The following ZNF831 variants were observed in gnomAD, a reference collection of about 807,000 sequenced individuals.
ZNF831 encodes the protein zinc finger protein 831, also known as chromosome 20 open reading frame 174.
Under a neutral mutation model 95.8 loss-of-function variants are expected in ZNF831, and 59 were observed. The observed-to-expected ratio is 0.62, with a 90% CI of 0.50 to 0.77. The LOEUF (loss-of-function observed/expected upper bound fraction) is 0.77, where lower values mean the gene tolerates loss of function less well. Ranked by LOEUF, ZNF831 falls within the 30% of genes least tolerant of loss-of-function variation. ZNF831 has a pLI of 0.00. For missense variants in ZNF831, 2,205 were observed against 2,164.0 expected, an observed-to-expected ratio of 1.02 and a Z score of -0.38; for synonymous variants, 961 against 925.5, an observed-to-expected ratio of 1.04 and a Z score of -0.70.
At chr20:59,138,917 ACT>A in intron 1 of ZNF831, among the ~76,000 whole-genome samples, 1 of 151,128 alleles carries the variant, frequency 6.6e-6, no homozygotes, top group Non-Finnish European at 1.5e-5. Flanking sequence ...CTTGATCTTT[ACT>A]CTCTTATTTT....
rs559406763 is a variant in ZNF831 at position 59,190,967 on chromosome 20, T to G, written c.-36-17T>G. On this transcript the variant is annotated splice_polypyrimidine_tract_variant and intron_variant, in intron 1 of 5. Transcript: ENST00000371030. Reference sequence around the variant, plus strand: ...AGAGGAGAGGTGCCCATGGTAAAGTTTGGTTGTTGTCTGCAGGTTTTCCAG... The same window carrying G: ...AGAGGAGAGGTGCCCATGGTAAAGTGTGGTTGTTGTCTGCAGGTTTTCCAG... 6 of 1,458,610 alleles carry G rather than the reference T, an allele frequency of 4.1e-6. No individual in the cohort carries two copies. The African/African-American group carries it at 7.1e-5, about 17-fold the overall frequency. The allele number at this position is 1,458,610 out of a possible 1,614,324, so 90.4% of individuals were successfully genotyped here. A position where few individuals can be genotyped will look rare whatever the true frequency, so the allele number is the denominator to read the frequency against.
chr20:59,216,715 CG>C (rs1407300698), intron 4 of ZNF831, among the ~76,000 whole-genome samples: 2 of 152,120 alleles, frequency 1.3e-5, no homozygotes, highest in Admixed American at 6.5e-5. Flanking sequence ...GCATGGGGGA[CG>C]GGCGCAGGTA....
intron 1 of ZNF831, among the ~76,000 whole-genome samples, chr20:59,126,058 T>A (rs1054447378): frequency 2.0e-5 from 3 of 152,132 alleles, no homozygotes; most frequent in African/African-American, 7.2e-5. Context: ...TATGCAAACG[T>A]CCCCGGCTGG....
intron 1 of ZNF831, among the ~76,000 whole-genome samples, chr20:59,173,471 C>A (rs1032346545): frequency 3.9e-5 from 6 of 152,110 alleles, no homozygotes; most frequent in Admixed American, 3.3e-4. Flanking sequence ...TGCTCAAGGA[C>A]GCGAAAAGAA....
chr20:59,249,395 C>T (rs907477623), intron 4 of ZNF831, among the ~76,000 whole-genome samples: 4 of 152,170 alleles, frequency 2.6e-5, no homozygotes, highest in Non-Finnish European at 5.9e-5. Context: ...TCCCCGTCCT[C>T]GATTTATTTC....
In ZNF831 at chr20:59,257,009, C is replaced by G. The variant is rs767796277; in HGVS notation, c.*2266C>G. The G allele has an allele frequency of 6.6e-6, 1 of 152,174 alleles. No homozygotes were observed. Among genetic ancestry groups the G allele is most frequent in the Non-Finnish European group, 1.5e-5 (1 of 68,068 alleles). The allele number at this position is 152,174 out of a possible 1,614,324, so 9.4% of individuals were successfully genotyped here. ...AGGGGAAAAAAGCTGTCTTCCAGAC[C>G]CCTCCTTTCTGGGTGGCTACTGTGG... On this transcript the variant is annotated 3_prime_UTR_variant, in exon 6 of 6. Transcript: ENST00000371030.
At chr20:59,197,960 G>A (rs1417396583) in intron 3 of ZNF831, among the ~76,000 whole-genome samples, 4 of 152,218 alleles carry the variant, frequency 2.6e-5, no homozygotes, top group Non-Finnish European at 5.9e-5. Flanking sequence ...GATAGTTGAT[G>A]AGCCTGAAGC....
chr20:59,174,667 T>A (rs1981998355), intron 1 of ZNF831, among the ~76,000 whole-genome samples: 1 of 152,042 alleles, frequency 6.6e-6, no homozygotes, highest in African/African-American at 2.4e-5. Context: ...GTGATCCATG[T>A]ACGCACCACT....
chr20:59,253,536 C>A (rs1988011197), intron 5 of ZNF831, among the ~76,000 whole-genome samples: 1 of 152,010 alleles, frequency 6.6e-6, no homozygotes, highest in Non-Finnish European at 1.5e-5. Flanking sequence ...ACCAAAAAAC[C>A]AAAAAACCCT....
chr20:59,131,579 G>A (rs201059446), intron 1 of ZNF831, among the ~76,000 whole-genome samples: 37 of 152,314 alleles, frequency 2.4e-4, no homozygotes, highest in Non-Finnish European at 3.8e-4. Context: ...GTCCTTTCCC[G>A]TTTGTCTTCC....
chr20:59,240,645 C>T (rs959729821), intron 4 of ZNF831, among the ~76,000 whole-genome samples: 71 of 151,446 alleles, frequency 4.7e-4, no homozygotes, highest in Non-Finnish European at 9.9e-4. Context: ...ACTAAAAATA[C>T]AAAAAAATTA....
rs1478916434 is a variant in ZNF831 at position 59,256,327 on chromosome 20, C to T, written c.*1584C>T. The stretch of plus-strand genomic sequence containing the variant: ...CATTTCATATGCACTCATAAATATC[C>T]AAGGATTTCAGGCCCAGCCAAGAAA... On this transcript the variant is annotated 3_prime_UTR_variant, in exon 6 of 6. Coordinates refer to ENST00000371030, the MANE Select transcript of ZNF831 (RefSeq NM_178457.3). 1.3e-5 allele frequency: 2 copies of T among 152,102 alleles called. No individual in the cohort carries two copies. Among genetic ancestry groups the T allele is most frequent in the African/African-American group, 4.8e-5 (2 of 41,410 alleles). 9.4% of individuals were successfully genotyped at this position (152,102 alleles called of 1,614,324 possible). A position where few individuals can be genotyped will look rare whatever the true frequency, so the allele number is the denominator to read the frequency against.
At chr20:59,201,194 A>G (rs1217280035) in intron 3 of ZNF831, among the ~76,000 whole-genome samples, 1 of 152,150 alleles carries the variant, frequency 6.6e-6, no homozygotes, top group Non-Finnish European at 1.5e-5. Context: ...ATGTAGTGGT[A>G]TCTCTTTATA....
intron 4 of ZNF831, among the ~76,000 whole-genome samples, chr20:59,232,994 G>GCACACACACACACA (rs59267396): frequency 1.2e-4 from 15 of 123,082 alleles, no homozygotes; most frequent in African/African-American, 2.8e-4. Flanking sequence ...GGACCCTGAG[G>GCACACACACACACA]CACACACACA....
chr20:59,158,802 C>G (rs961333956), intron 2 of ZNF831, among the ~76,000 whole-genome samples: 13 of 152,184 alleles, frequency 8.5e-5, no homozygotes, highest in Non-Finnish European at 1.8e-4. Context: ...AAAAGCTGCA[C>G]AGTTAGCACA....
At chr20:59,196,860 C>T (rs1306107734) in intron 3 of ZNF831, among the ~76,000 whole-genome samples, 1 of 152,068 alleles carries the variant, frequency 6.6e-6, no homozygotes, top group African/African-American at 2.4e-5. Context: ...TCACTGTAAC[C>T]TCTGCCTTGG....
At chr20:59,253,869 C>CCCGG in intron 5 of ZNF831, 29 bp from the exon 6 acceptor site, 1 of 1,067,576 alleles carries the variant, frequency 9.4e-7, no homozygotes, top group Non-Finnish European at 1.2e-6. Context: ...TCCCCCCCCA[C>CCCGG]TTTTTTTTTC....
chr20:59,234,658 G>A (rs934604766), intron 4 of ZNF831, among the ~76,000 whole-genome samples: 1 of 152,190 alleles, frequency 6.6e-6, no homozygotes, highest in Non-Finnish European at 1.5e-5. Context: ...GACACTCAAC[G>A]CGACAGAAGT....
intron 1 of ZNF831, among the ~76,000 whole-genome samples, chr20:59,125,112 G>A (rs1174566506): frequency 2.0e-5 from 3 of 152,200 alleles, no homozygotes; most frequent in Non-Finnish European, 4.4e-5. Flanking sequence ...AGGACTAGAT[G>A]TGATGCCTGT....
Sources: allele counts gnomAD v4.1 joint callset (sites outside exome capture counted in the v4.1 genomes callset), GRCh38; gene constraint gnomAD v4.1.1; transcripts MANE v1.5; gene names NCBI Gene and HGNC (gene_info 2026-07-23, HGNC 2026-07-21).